Variants in STK3 observed in about 807,000 individuals in gnomAD.
STK3 encodes serine/threonine kinase 3, also known as serine/threonine-protein kinase 3.
STK3 carries 41 observed loss-of-function variants against 58.0 expected under a neutral mutation model. The observed-to-expected ratio is 0.71, with a 90% CI of 0.55 to 0.92. The LOEUF is 0.92. STK3 is among the 40% of genes least tolerant of loss of function. The pLI is 0.00. For missense variants in STK3, 479 were observed against 602.7 expected, an observed-to-expected ratio of 0.79 and a Z score of 2.15; for synonymous variants, 170 against 191.0, an observed-to-expected ratio of 0.89 and a Z score of 0.91.
intron 1 of STK3, among the ~76,000 whole-genome samples, chr8:98,442,024 C>T (rs1342605092): frequency 2.6e-5 from 4 of 152,128 alleles, no homozygotes; most frequent in Non-Finnish European, 5.9e-5. Flanking sequence ...TCCCTAAAAC[C>T]CACTCCTATT....
At position 98,739,644 on chromosome 8, in the gene STK3, A is replaced by G. The variant is rs1363870510; in HGVS notation, c.351+9632T>C. Among the ~76,000 whole-genome samples the G allele has an allele frequency of 6.9e-4, 102 of 148,720 alleles. 2 individuals carry two copies. Among genetic ancestry groups the G allele is most frequent in the African/African-American group, 2.4e-3 (96 of 40,110 alleles). Reference sequence around the variant, plus strand: ...AGTAGATAAAACCACAAAGATGGGGAAAAAACAGAGCAGAAAAACTGGAAA... The same window carrying G: ...AGTAGATAAAACCACAAAGATGGGGGAAAAACAGAGCAGAAAAACTGGAAA... On this transcript the variant is annotated intron_variant, in intron 4 of 10. Coordinates refer to ENST00000419617, the MANE Select transcript of STK3 (RefSeq NM_006281.4).
intron 3 of STK3, among the ~76,000 whole-genome samples, chr8:98,855,973 G>A (rs950687898): frequency 2.6e-5 from 4 of 151,810 alleles, no homozygotes; most frequent in East Asian, 3.9e-4. Context: ...CCTGGCCAAC[G>A]TGGCAAAACT....
At chr8:98,830,515 T>C (rs1939604617), upstream of STK3, among the ~76,000 whole-genome samples, 1 of 152,208 alleles carries the variant, frequency 6.6e-6, no homozygotes, top group South Asian at 2.1e-4. Context: ...CAAGCTTCTG[T>C]TTTACTTTGT....
chr8:98,653,419 A>C (rs972540533), intron 6 of STK3, among the ~76,000 whole-genome samples: 1 of 152,208 alleles, frequency 6.6e-6, no homozygotes, highest in Non-Finnish European at 1.5e-5. Flanking sequence ...CACAATTAAA[A>C]GAACTAGAAA....
intron 4 of STK3, among the ~76,000 whole-genome samples, chr8:98,746,304 A>C (rs952109065): frequency 6.6e-6 from 1 of 152,234 alleles, no homozygotes; most frequent in Non-Finnish European, 1.5e-5. Context: ...GCACAGACAA[A>C]AACAATAAAA....
chr8:98,464,540 T>TAAAAAAAAAAAAAAAAAAAAAAAAAAA, intron 10 of STK3, among the ~76,000 whole-genome samples: 68 of 69,210 alleles, frequency 9.8e-4, no homozygotes, highest in East Asian at 1.9e-3. Flanking sequence ...TACTTAAAGT[T>TAAAAAAAAAAAAAAAAAAAAAAAAAAA]AAAAAAAAAA....
chr8:98,344,729 T>C, the STK3 span, among the ~76,000 whole-genome samples: 13 of 150,608 alleles, frequency 8.6e-5, no homozygotes, highest in Non-Finnish European at 1.9e-4. Context: ...CCGTCTCTAC[T>C]AAAAATACAA....
At chr8:98,555,354 A>G (rs1811511856) in intron 8 of STK3, among the ~76,000 whole-genome samples, 1 of 152,128 alleles carries the variant, frequency 6.6e-6, no homozygotes, top group African/African-American at 2.4e-5. Context: ...ACAAAAGACA[A>G]ATACTTTAGA....
At chr8:98,935,886 C>G (rs1488541266) in intron 1 of STK3, among the ~76,000 whole-genome samples, 1 of 151,920 alleles carries the variant, frequency 6.6e-6, no homozygotes, top group Non-Finnish European at 1.5e-5. Context: ...TAATATGGAT[C>G]CATGTTATTT....
At chr8:98,539,206 T>A (rs545224787) in intron 9 of STK3, among the ~76,000 whole-genome samples, 1 of 152,274 alleles carries the variant, frequency 6.6e-6, no homozygotes, top group Non-Finnish European at 1.5e-5. Flanking sequence ...TGGGAGAAAA[T>A]GTATTTCATG....
intron 6 of STK3, among the ~76,000 whole-genome samples, chr8:98,696,695 C>G (rs1824975652): frequency 6.6e-6 from 1 of 152,144 alleles, no homozygotes; most frequent in South Asian, 2.1e-4. Flanking sequence ...TCTTGCATCC[C>G]AGGGATGAAG....
At chr8:98,624,991 G>A (rs1415483225) in intron 6 of STK3, among the ~76,000 whole-genome samples, 1 of 145,490 alleles carries the variant, frequency 6.9e-6, no homozygotes, top group Non-Finnish European at 1.5e-5. Flanking sequence ...TGAGGATGAA[G>A]TCCAGTTGAA....
chr8:98,779,141 C>CT (rs1831922519), intron 1 of STK3, among the ~76,000 whole-genome samples: 1 of 151,338 alleles, frequency 6.6e-6, no homozygotes, highest in Admixed American at 6.6e-5. Context: ...TTCTTCTCAA[C>CT]TAAAAAAAAA....
At chr8:98,517,390 T>C (rs945087142) in intron 10 of STK3, among the ~76,000 whole-genome samples, 4 of 152,016 alleles carry the variant, frequency 2.6e-5, no homozygotes, top group East Asian at 3.8e-4. Context: ...AGAGGTACTA[T>C]GGAAAAGGCT....
chr8:98,520,345 A>G (rs750377998), intron 10 of STK3, among the ~76,000 whole-genome samples: 10 of 152,142 alleles, frequency 6.6e-5, no homozygotes, highest in Non-Finnish European at 1.0e-4. Flanking sequence ...ATTCAGGAAC[A>G]TAACATAAGA....
chr8:98,485,015 C>T (rs945230924), intron 10 of STK3, among the ~76,000 whole-genome samples: 16 of 151,914 alleles, frequency 1.1e-4, no homozygotes, highest in Non-Finnish European at 1.5e-4. Flanking sequence ...TGAGGTGGGC[C>T]GATCACCTGA....
At chr8:98,662,140 T>C (rs528106366) in intron 6 of STK3, among the ~76,000 whole-genome samples, 2 of 152,138 alleles carry the variant, frequency 1.3e-5, no homozygotes, top group Non-Finnish European at 2.9e-5. Context: ...GGTTGTACAT[T>C]GAGAGACCCA....
chr8:98,920,142 C>T (rs1182148527), intron 1 of STK3, among the ~76,000 whole-genome samples: 1 of 152,178 alleles, frequency 6.6e-6, no homozygotes, highest in Non-Finnish European at 1.5e-5. Flanking sequence ...GCCAGCCCTG[C>T]TCATACCAAG....
chr8:98,759,283 G>C (rs188180411), intron 3 of STK3, among the ~76,000 whole-genome samples: 1 of 152,144 alleles, frequency 6.6e-6, no homozygotes, highest in Non-Finnish European at 1.5e-5. Context: ...GACCATTGTA[G>C]AATTACTAAT....
Sources: gnomAD v4.1 joint callset for allele counts (sites outside exome capture counted in the v4.1 genomes callset) on GRCh38, gnomAD v4.1.1 for gene constraint, MANE v1.5 for transcripts, NCBI Gene and HGNC (gene_info 2026-07-23, HGNC 2026-07-21) for gene names.